The following NDUFAF7 variants were observed in gnomAD, a reference collection of about 807,000 sequenced individuals.
NDUFAF7 encodes the protein NADH:ubiquinone oxidoreductase complex assembly factor 7.
In NDUFAF7, 48 loss-of-function variants were observed where a neutral mutation model predicts 47.2. That is an observed-to-expected ratio of 1.02 (90% CI 0.81 to 1.29). The LOEUF is 1.29. Among genes scored for constraint, NDUFAF7 ranks in the 50% most tolerant of loss-of-function variants. The pLI, the probability that NDUFAF7 is intolerant of heterozygous loss-of-function variation, is 0.00. For missense variants in NDUFAF7, 635 were observed against 537.6 expected (o/e 1.18, Z -1.79); for synonymous variants, 217 against 190.0 (o/e 1.14, Z -1.17).
the NDUFAF7 span, chr2:37,260,266 T>C: frequency 4.3e-6 from 7 of 1,612,206 alleles, no homozygotes; most frequent in Non-Finnish European, 5.9e-6. Flanking sequence ...AAGCCGACTT[T>C]TCTCACTGGA....
chr2:37,254,039 G>A (rs950475564), downstream of NDUFAF7, among the ~76,000 whole-genome samples: 2 of 152,124 alleles, frequency 1.3e-5, no homozygotes, highest in African/African-American at 4.8e-5. Flanking sequence ...TGTCATTACC[G>A]ATCTGAATGC....
chr2:37,240,005 C>G (rs1666193644), intron 4 of NDUFAF7, among the ~76,000 whole-genome samples: 1 of 152,060 alleles, frequency 6.6e-6, no homozygotes, highest in South Asian at 2.1e-4. Flanking sequence ...TTTATGAAAA[C>G]ATTAAAAAGG....
chr2:37,244,829 A>C (rs1234240756), intron 7 of NDUFAF7, among the ~76,000 whole-genome samples: 5 of 152,218 alleles, frequency 3.3e-5, no homozygotes, highest in Admixed American at 2.0e-4. Context: ...ATCTAAGTTT[A>C]CCTGAATGAC....
At chr2:37,241,506 TTGA>T in intron 4 of NDUFAF7, 69 bp from the exon 5 acceptor site, 1 of 1,227,628 alleles carries the variant, frequency 8.1e-7, no homozygotes, top group Non-Finnish European at 1.2e-6. Flanking sequence ...GACTAAATCA[TTGA>T]TGTAAATGAT....
chr2:37,253,215 T>TA (rs770650024), downstream of NDUFAF7: 1 of 1,611,884 alleles, frequency 6.2e-7, no homozygotes, highest in Admixed American at 1.7e-5. Context: ...TTAGGAGCCA[T>TA]AATGAAGTGC....
intron 2 of NDUFAF7, among the ~76,000 whole-genome samples, chr2:37,234,734 A>T (rs1025570435): frequency 3.9e-5 from 6 of 152,070 alleles, no homozygotes; most frequent in African/African-American, 1.2e-4. Context: ...GACTCAGGGG[A>T]GTTGTATGAG....
intron 2 of NDUFAF7, among the ~76,000 whole-genome samples, chr2:37,233,621 C>CA (rs1175933313): frequency 0.048 from 2,965 of 62,066 alleles, 79 homozygotes; most frequent in African/African-American, 0.1. Flanking sequence ...GACTCTGTCT[C>CA]AAAAAAAAAA....
chr2:37,237,806 C>T lies in NDUFAF7; in HGVS notation c.347C>T (p.Thr116Ile). 6.2e-7 allele frequency: 1 copy of T among 1,613,856 alleles called. No homozygotes were observed. Among genetic ancestry groups the T allele is most frequent in the Non-Finnish European group, 8.5e-7 (1 of 1,179,854 alleles). ...ISEWMATGKSTAFQLVELGPG... is the reference protein window; with the variant it reads ...ISEWMATGKSIAFQLVELGPG... ...GAATGGATGGCCACTGGAAAAAGCA[C>T]AGCTTTCCAGCTGGTGGAACTGGGC... The change falls in exon 4 of 10, where the codon ACA becomes ATA. Residue 116 changes from threonine (T) to isoleucine (I), a missense_variant. Thr to Ile is a moderately conservative substitution (Grantham distance 89). Coordinates refer to ENST00000002125, the MANE Select transcript of NDUFAF7 (RefSeq NM_144736.5).
At chr2:37,241,910 C>A in intron 5 of NDUFAF7, 119 bp downstream of exon 5, 1 of 865,962 alleles carries the variant, frequency 1.2e-6, no homozygotes. Context: ...AGTCCCTTAT[C>A]CATAGAGAGT....
chr2:37,260,443 T>A, the NDUFAF7 span: 3 of 1,440,658 alleles, frequency 2.1e-6, no homozygotes, highest in Non-Finnish European at 1.9e-6. Context: ...TTTACTAATA[T>A]CTAGATGTGC....
chr2:37,231,676 G>C lies in NDUFAF7; in HGVS notation c.-30G>C, dbSNP rs763774176. 6.2e-7 allele frequency: 1 copy of C among 1,614,212 alleles called. No individual in the cohort carries two copies. Among genetic ancestry groups the C allele is most frequent in the Non-Finnish European group, 8.5e-7 (1 of 1,180,010 alleles). On this transcript the variant is annotated 5_prime_UTR_variant, in exon 1 of 10. Coordinates refer to ENST00000002125, the MANE Select transcript of NDUFAF7 (RefSeq NM_144736.5). ...GGAAATGGTCTAAGCCCCAGCTCCTGGCGGAGCGAGCTAGCCTGCGAATTT... is the reference window on the plus strand; with the variant it reads ...GGAAATGGTCTAAGCCCCAGCTCCTCGCGGAGCGAGCTAGCCTGCGAATTT...
In NDUFAF7 at chr2:37,247,567, T is replaced by C. The variant is rs993134186; in HGVS notation, c.1048T>C (p.Ser350Pro). 10 of 1,613,922 alleles carry C rather than the reference T, an allele frequency of 6.2e-6. No individual in the cohort carries two copies. The highest frequency in any genetic ancestry group is 8.5e-6 in the Non-Finnish European group (10 of 1,179,976). ...AAGAATGGCACAGGGAAAAGTAGCC[T>C]CTCTGGGCCCAATAAAACAACACAC... Reference protein sequence around the residue: ...LRRMAQGKVASLGPIKQHTFL... With the variant: ...LRRMAQGKVAPLGPIKQHTFL... Residue 350 changes from serine (S) to proline (P), a missense_variant, in exon 9 of 10, where the codon TCT (serine) becomes CCT (proline). Coordinates refer to ENST00000002125, the MANE Select transcript of NDUFAF7 (RefSeq NM_144736.5).
chr2:37,261,555 C>T, the NDUFAF7 span, among the ~76,000 whole-genome samples: 135 of 151,972 alleles, frequency 8.9e-4, no homozygotes, highest in African/African-American at 2.9e-3. Flanking sequence ...CCAAGGCAGG[C>T]GGATCACCTG....
chr2:37,237,098 G>A (rs55991517), intron 3 of NDUFAF7, among the ~76,000 whole-genome samples: 22,186 of 151,950 alleles, frequency 0.15, 1,762 homozygotes, highest in South Asian at 0.26. Context: ...AGCCTCCCGA[G>A]TAGCTGGGAT....
chr2:37,234,585 C>T (rs1665551408), intron 2 of NDUFAF7, among the ~76,000 whole-genome samples: 1 of 152,102 alleles, frequency 6.6e-6, no homozygotes, highest in Non-Finnish European at 1.5e-5. Context: ...ATAATGTTTC[C>T]TTATGAACGG....
In NDUFAF7 at chr2:37,240,402, C is replaced by CA. The variant is rs1200306838; in HGVS notation, c.409-1166dup. On this transcript the variant is annotated intron_variant, in intron 4 of 9. Coordinates refer to ENST00000002125, the MANE Select transcript of NDUFAF7 (RefSeq NM_144736.5). ...TGAGTAACAAAGTGAGACCCTGTCTCAAAAAAAAAACCAAAAAACACCAAC... is the reference window on the plus strand; with the variant it reads ...TGAGTAACAAAGTGAGACCCTGTCTCAAAAAAAAAAACCAAAAAACACCAAC... Among the ~76,000 whole-genome samples, 343 of 140,662 alleles carry CA rather than the reference C, an allele frequency of 2.4e-3. 9 individuals carry two copies. In the East Asian group the frequency reaches 0.033, roughly 14 times the overall value. 92.3% of individuals were successfully genotyped at this position (140,662 alleles called of 152,430 possible).
At position 37,232,095 on chromosome 2, in the gene NDUFAF7, G is replaced by A; in HGVS notation, c.56-11G>A. ...TTATCATGGGGTCTGTTTAATTTGT[G>A]TTTTTCGCAGCCATTCCTTTTATTT... On this transcript the variant is annotated splice_polypyrimidine_tract_variant and intron_variant, in intron 1 of 9. Coordinates refer to ENST00000002125, the MANE Select transcript of NDUFAF7 (RefSeq NM_144736.5). The A allele has an allele frequency of 6.2e-7, 1 of 1,614,224 alleles. No homozygotes were observed. Among genetic ancestry groups the A allele is most frequent in the Non-Finnish European group, 8.5e-7 (1 of 1,180,036 alleles).
the NDUFAF7 span, among the ~76,000 whole-genome samples, chr2:37,262,014 G>C: frequency 6.6e-6 from 1 of 152,132 alleles, no homozygotes; most frequent in South Asian, 2.1e-4. Context: ...TAATGTAAGC[G>C]ACTGTGCTTA....
At chr2:37,252,847 T>TATATATATATATATA (rs1667612720), downstream of NDUFAF7, 8 of 145,032 alleles carry the variant, frequency 5.5e-5, no homozygotes, top group South Asian at 6.6e-4. Flanking sequence ...ATATTTATAT[T>TATATATATATATATA]TATATATATA....
Sources: gnomAD v4.1 joint callset for allele counts (sites outside exome capture counted in the v4.1 genomes callset) on GRCh38, gnomAD v4.1.1 for gene constraint, MANE v1.5 for transcripts, NCBI Gene and HGNC (gene_info 2026-07-23, HGNC 2026-07-21) for gene names.